RNF212: variants seen among roughly 807,000 people sequenced by gnomAD.
RNF212 encodes the protein probable E3 SUMO-protein ligase RNF212.
In RNF212, 33 loss-of-function variants were observed where a neutral mutation model predicts 34.7. The ratio of observed to expected loss-of-function variants is 0.95; its 90% CI spans 0.72 to 1.27. The LOEUF is 1.27. Among genes scored for constraint, RNF212 ranks in the 50% most tolerant of loss-of-function variants. The pLI is 0.00. For synonymous variants in RNF212, 140 were observed against 136.1 expected, an observed-to-expected ratio of 1.03 and a Z score of -0.20; for missense variants, 377 against 362.2, an observed-to-expected ratio of 1.04 and a Z score of -0.33.
chr4:1,081,774 G>A (rs571660589), intron 5 of RNF212, 155 bp from the exon 6 acceptor site: 158 of 625,282 alleles, frequency 2.5e-4, no homozygotes, highest in Non-Finnish European at 3.3e-4. Context: ...TTCCCATAGC[G>A]TCCTGTGAGT....
At chr4:1,106,955 C>T (rs1366438266) in intron 2 of RNF212, among the ~76,000 whole-genome samples, 2 of 151,976 alleles carry the variant, frequency 1.3e-5, no homozygotes, top group Non-Finnish European at 2.9e-5. Context: ...AGCGAAAAAC[C>T]GAAAAAATCC....
Position 1,092,452 on chromosome 4 carries a change from G to C in RNF212, c.247-1614C>G, listed in dbSNP as rs183792524. ...TTGCAGGGTCTACACCAGCCTCCAGGACTCCATTAGGGGGAGCCACACAGG... is the reference window on the plus strand; with the variant it reads ...TTGCAGGGTCTACACCAGCCTCCAGCACTCCATTAGGGGGAGCCACACAGG... On this transcript the variant is annotated intron_variant, in intron 3 of 9. Coordinates refer to ENST00000433731, the MANE Select transcript of RNF212 (RefSeq NM_001131034.4). 2.2e-3 allele frequency among the ~76,000 whole-genome samples: 328 copies of C among 152,290 alleles called. 1 individual carries two copies. Among genetic ancestry groups the C allele is most frequent in the Non-Finnish European group, 3.6e-3 (247 of 68,022 alleles).
intron 8 of RNF212, among the ~76,000 whole-genome samples, chr4:1,079,153 C>T (rs1414732098): frequency 3.3e-5 from 5 of 151,546 alleles, no homozygotes; most frequent in Non-Finnish European, 5.9e-5. Flanking sequence ...AGGGTCAACA[C>T]AGGACCAACA....
At chr4:1,094,268 G>A (rs1176573230) in intron 3 of RNF212, among the ~76,000 whole-genome samples, 1 of 152,182 alleles carries the variant, frequency 6.6e-6, no homozygotes, top group East Asian at 1.9e-4. Flanking sequence ...GGGGGCCAGG[G>A]GAAGGACCCC....
intron 3 of RNF212, among the ~76,000 whole-genome samples, chr4:1,062,376 A>C (rs1303438666): frequency 6.6e-6 from 1 of 152,270 alleles, no homozygotes; most frequent in Non-Finnish European, 1.5e-5. Flanking sequence ...GGAAGTAATT[A>C]CATCTATGAA....
At chr4:1,094,588 A>T (rs1722754268) in intron 3 of RNF212, among the ~76,000 whole-genome samples, 1 of 152,106 alleles carries the variant, frequency 6.6e-6, no homozygotes, top group Admixed American at 6.6e-5. Context: ...ATGGGGGCCC[A>T]TGGGGCCAAC....
chr4:1,078,920 C>T (rs1355399347), intron 8 of RNF212, among the ~76,000 whole-genome samples: 1 of 151,170 alleles, frequency 6.6e-6, no homozygotes, highest in Non-Finnish European at 1.5e-5. Context: ...ACAGGACCAA[C>T]ACGGGACCAA....
chr4:1,101,532 C>T (rs539386264), intron 2 of RNF212: 1 of 153,860 alleles, frequency 6.5e-6, no homozygotes, highest in East Asian at 1.9e-4. Context: ...TACTAATTCT[C>T]CAGAATGAAT....
At chr4:1,060,104 AAAAAAAAAAG>A (rs1577603093) in intron 3 of RNF212, among the ~76,000 whole-genome samples, 2 of 122,040 alleles carry the variant, frequency 1.6e-5, no homozygotes, top group African/African-American at 6.9e-5. Context: ...CATCAAAAAA[AAAAAAAAAAG>A]AAAAAAGAAA....
chr4:1,079,606 G>A, intron 8 of RNF212, 37 bp downstream of exon 8: 1 of 1,418,098 alleles, frequency 7.1e-7, no homozygotes, highest in Non-Finnish European at 1.0e-6. Context: ...CCACACGTCT[G>A]GTATACAGAG....
chr4:1,090,154 A>G (rs1721959143), intron 4 of RNF212, among the ~76,000 whole-genome samples: 1 of 135,542 alleles, frequency 7.4e-6, no homozygotes, highest in African/African-American at 2.9e-5. Flanking sequence ...ATAAGGTGAC[A>G]GGATGGGGTG....
intron 8 of RNF212, among the ~76,000 whole-genome samples, chr4:1,077,307 CT>C (rs1719480850): frequency 6.6e-6 from 1 of 152,238 alleles, no homozygotes; most frequent in South Asian, 2.1e-4. Context: ...CACTTAGGAA[CT>C]TTGATTCATT....
intron 3 of RNF212, among the ~76,000 whole-genome samples, chr4:1,092,354 G>A (rs1223294987): frequency 1.3e-5 from 2 of 152,334 alleles, no homozygotes; most frequent in Non-Finnish European, 2.9e-5. Context: ...CAGATGGGGT[G>A]AGTTCTACTG....
downstream of RNF212, among the ~76,000 whole-genome samples, chr4:1,068,117 C>T (rs1478386382): frequency 1.3e-5 from 2 of 152,152 alleles, no homozygotes; most frequent in African/African-American, 4.8e-5. Context: ...ACTATCCTAA[C>T]ATTTATATGG....
chr4:1,065,614 T>C (rs916045741), intron 3 of RNF212, among the ~76,000 whole-genome samples: 3 of 152,080 alleles, frequency 2.0e-5, no homozygotes, highest in Admixed American at 2.0e-4. Context: ...ACCACAGGTT[T>C]ACGCCACCAG....
rs751306696 is a variant in RNF212 at position 1,108,350 on chromosome 4, G to A, written c.164C>T (p.Ser55Leu). 6.6e-7 allele frequency: 1 copy of A among 1,508,964 alleles called. No homozygotes were observed. Among genetic ancestry groups the A allele is most frequent in the Non-Finnish European group, 8.8e-7 (1 of 1,137,882 alleles). The allele number at this position is 1,508,964 out of a possible 1,614,324, so 93.5% of individuals were successfully genotyped here. The change falls in exon 2 of 10, where the codon TCA becomes TTA. Residue 55 changes from serine (S) to leucine (L), a missense_variant. Coordinates refer to ENST00000433731, the MANE Select transcript of RNF212 (RefSeq NM_001131034.4). The part of the protein sequence containing the change: ...CKAPCRTVLL[S>L]KHTDADIQAF... ...CGACACATTTCAACTTACATGCTTT[G>A]AAAGCAAAACTGTACGACAAGGAGC...
chr4:1,059,471 C>T (rs1717595240), intron 3 of RNF212, among the ~76,000 whole-genome samples: 2 of 152,324 alleles, frequency 1.3e-5, no homozygotes, highest in East Asian at 3.9e-4. Flanking sequence ...GGCAGGAGGC[C>T]ACGGTGAGCA....
chr4:1,102,310 GC>G (rs1378577251), intron 2 of RNF212, among the ~76,000 whole-genome samples: 1 of 152,214 alleles, frequency 6.6e-6, no homozygotes, highest in Non-Finnish European at 1.5e-5. Flanking sequence ...CCCCAAGTGT[GC>G]TGAAATCCAG....
intron 8 of RNF212, among the ~76,000 whole-genome samples, chr4:1,073,971 CTGA>C (rs542895749): frequency 2.0e-4 from 30 of 152,116 alleles, no homozygotes; most frequent in Non-Finnish European, 4.1e-4. Context: ...AAATTTGCAG[CTGA>C]TGTTAGAGAA....
Sources: allele counts gnomAD v4.1 joint callset (sites outside exome capture counted in the v4.1 genomes callset), GRCh38; gene constraint gnomAD v4.1.1; transcripts MANE v1.5; gene names NCBI Gene and HGNC (gene_info 2026-07-23, HGNC 2026-07-21).